DLG2: variants seen among roughly 807,000 people sequenced by gnomAD.
DLG2 encodes disks large homolog 2.
In DLG2, 45 loss-of-function variants were observed where a neutral mutation model predicts 132.5. The ratio of observed to expected loss-of-function variants is 0.34; its 90% CI spans 0.27 to 0.44. The LOEUF (loss-of-function observed/expected upper bound fraction) is 0.44. Ranked by LOEUF, DLG2 falls within the 20% of genes least tolerant of loss-of-function variation. DLG2 has a pLI of 1.00. For synonymous variants in DLG2, 424 were observed against 419.6 expected (o/e 1.01, Z -0.13); for missense variants, 1,045 against 1,196.9 (o/e 0.87, Z 1.87).
At chr11:83,532,027 A>G (rs1565668641) in intron 21 of DLG2, among the ~76,000 whole-genome samples, 1 of 152,034 alleles carries the variant, frequency 6.6e-6, no homozygotes, top group Non-Finnish European at 1.5e-5. Flanking sequence ...GTCAATGCAT[A>G]TAGGGTTTCT....
intron 7 of DLG2, among the ~76,000 whole-genome samples, chr11:84,350,029 T>A (rs1390525709): frequency 2.6e-5 from 4 of 151,682 alleles, no homozygotes; most frequent in Non-Finnish European, 4.4e-5. Flanking sequence ...TACAAAAAAA[T>A]TAGCGGGGCG....
chr11:83,917,126 C>T, intron 15 of DLG2, among the ~76,000 whole-genome samples: 1 of 152,108 alleles, frequency 6.6e-6, no homozygotes, highest in Admixed American at 6.5e-5. Context: ...GAAGGAACTT[C>T]AGAGAAAGGC....
At chr11:84,395,813 C>T (rs939291792) in intron 7 of DLG2, among the ~76,000 whole-genome samples, 5 of 152,098 alleles carry the variant, frequency 3.3e-5, no homozygotes, top group African/African-American at 1.2e-4. Context: ...AAGTTTTGTT[C>T]GTTTAAAAAT....
rs2068504057 is a variant in DLG2 at position 85,089,923 on chromosome 11, G to A, written c.357+21738C>T. On this transcript the variant is annotated intron_variant, in intron 6 of 27. Transcript: ENST00000376104. ...GGCTATTATTAAAAAGTCAACAAGTGACAGATGTTTGCAAGACTGCAAAGA... is the reference window on the plus strand; with the variant it reads ...GGCTATTATTAAAAAGTCAACAAGTAACAGATGTTTGCAAGACTGCAAAGA... Among the ~76,000 whole-genome samples the A allele has an allele frequency of 3.3e-5, 5 of 152,232 alleles. No homozygotes were observed. The South Asian group carries it at 1.0e-3, about 32-fold the overall frequency.
At chr11:84,845,128 G>A (rs369481432) in intron 6 of DLG2, among the ~76,000 whole-genome samples, 2 of 152,110 alleles carry the variant, frequency 1.3e-5, no homozygotes, top group African/African-American at 4.8e-5. Flanking sequence ...CTACAACTGT[G>A]TGACAGAATA....
chr11:84,953,925 GGCCTTAGTATGCTAAGGTGT>G (rs1221363217), intron 6 of DLG2, among the ~76,000 whole-genome samples: 1 of 151,826 alleles, frequency 6.6e-6, no homozygotes, highest in Non-Finnish European at 1.5e-5. Flanking sequence ...CTCACCTCTG[GGCCTTAGTATGCTAAGGTGT>G]GCCTTAGTAT....
chr11:84,335,934 A>C (rs1490735842), intron 7 of DLG2, among the ~76,000 whole-genome samples: 1 of 152,208 alleles, frequency 6.6e-6, no homozygotes, highest in Non-Finnish European at 1.5e-5. Context: ...TGGATTAAGA[A>C]ATTTAATCAC....
chr11:85,103,754 C>T (rs1429813172), intron 6 of DLG2, among the ~76,000 whole-genome samples: 1 of 151,814 alleles, frequency 6.6e-6, no homozygotes, highest in East Asian at 1.9e-4. Flanking sequence ...TTTTATGCTT[C>T]AAATGCCATT....
At chr11:84,981,233 T>C (rs952943750) in intron 6 of DLG2, among the ~76,000 whole-genome samples, 1 of 152,182 alleles carries the variant, frequency 6.6e-6, no homozygotes, top group Non-Finnish European at 1.5e-5. Flanking sequence ...AAATATATTT[T>C]GAGAAAAAAT....
At chr11:84,282,685 C>T (rs2097864464) in intron 7 of DLG2, among the ~76,000 whole-genome samples, 1 of 152,078 alleles carries the variant, frequency 6.6e-6, no homozygotes. Flanking sequence ...CAATGACCTT[C>T]CAGCAGGAAG....
chr11:84,142,639 G>T (rs1025339645), intron 9 of DLG2, among the ~76,000 whole-genome samples: 1 of 152,110 alleles, frequency 6.6e-6, no homozygotes, highest in Non-Finnish European at 1.5e-5. Flanking sequence ...CATCCAATCT[G>T]TTGAGGTCCC....
At chr11:84,854,838 G>A (rs1004567209) in intron 6 of DLG2, among the ~76,000 whole-genome samples, 4 of 151,934 alleles carry the variant, frequency 2.6e-5, no homozygotes, top group Non-Finnish European at 4.4e-5. Context: ...ATTGTGAAAT[G>A]CCACTTACTG....
intron 6 of DLG2, among the ~76,000 whole-genome samples, chr11:84,600,921 TAG>T (rs2099575333): frequency 1.3e-5 from 2 of 152,202 alleles, no homozygotes; most frequent in African/African-American, 2.4e-5. Context: ...ATAATTGCTA[TAG>T]AAGTTCAAAT....
At chr11:84,469,260 A>G (rs912539426) in intron 7 of DLG2, among the ~76,000 whole-genome samples, 5 of 151,664 alleles carry the variant, frequency 3.3e-5, no homozygotes, top group African/African-American at 4.8e-5. Flanking sequence ...CACTGAAGGA[A>G]TAGAGAAAGT....
chr11:83,677,872 A>G (rs1460755363), intron 18 of DLG2, among the ~76,000 whole-genome samples: 4 of 152,334 alleles, frequency 2.6e-5, no homozygotes, highest in African/African-American at 9.6e-5. Flanking sequence ...AAGGCCACAC[A>G]AAGACATTGA....
chr11:84,265,155 C>T (rs927946591), intron 7 of DLG2, among the ~76,000 whole-genome samples: 2 of 152,074 alleles, frequency 1.3e-5, no homozygotes, highest in Non-Finnish European at 2.9e-5. Context: ...ATTATTTCAT[C>T]AATATCATGT....
chr11:84,359,851 A>C (rs1466266963), intron 7 of DLG2, among the ~76,000 whole-genome samples: 1 of 151,906 alleles, frequency 6.6e-6, no homozygotes, highest in Non-Finnish European at 1.5e-5. Context: ...CTCCACAGTA[A>C]TACACTTGGT....
intron 18 of DLG2, among the ~76,000 whole-genome samples, chr11:83,774,764 C>T (rs910535833): frequency 3.3e-5 from 5 of 152,144 alleles, no homozygotes; most frequent in Non-Finnish European, 7.4e-5. Context: ...CTGTCATTTA[C>T]GCATGGCCTA....
rs532988916 is a variant in DLG2 at position 84,713,764 on chromosome 11, C to T, written c.358-179033G>A. ...AGCATCTTAAATTATTTTTTAAAAT[C>T]TGACTTAGTAATTTTACTTATTCTA... On this transcript the variant is annotated intron_variant, in intron 6 of 27. Transcript: ENST00000376104. Among the ~76,000 whole-genome samples the T allele has an allele frequency of 5.3e-5, 8 of 152,116 alleles. No individual in the cohort carries two copies. In the South Asian group the frequency reaches 1.5e-3, roughly 28 times the overall value.
Sources: gnomAD v4.1 joint callset for allele counts (sites outside exome capture counted in the v4.1 genomes callset) on GRCh38, gnomAD v4.1.1 for gene constraint, MANE v1.5 for transcripts, NCBI Gene and HGNC (gene_info 2026-07-23, HGNC 2026-07-21) for gene names.